Variants in NBAS observed in about 807,000 individuals in gnomAD.
NBAS encodes NBAS subunit of NRZ tethering complex.
Under a neutral mutation model 302.5 loss-of-function variants are expected in NBAS, and 219 were observed. That is an observed-to-expected ratio of 0.72 (90% CI 0.65 to 0.81). NBAS has a LOEUF of 0.81. Among genes scored for constraint, NBAS ranks in the 30% least tolerant of loss-of-function variants. NBAS has a pLI of 0.00. For synonymous variants in NBAS, 1,118 were observed against 1,021.6 expected, an observed-to-expected ratio of 1.09 and a Z score of -1.80; for missense variants, 2,932 against 2,841.6, an observed-to-expected ratio of 1.03 and a Z score of -0.72.
chr2:15,434,734 A>G (rs1677927514), intron 21 of NBAS, among the ~76,000 whole-genome samples: 1 of 152,210 alleles, frequency 6.6e-6, no homozygotes, highest in South Asian at 2.1e-4. Flanking sequence ...TATAGGTTCG[A>G]GGTTGCCAGT....
chr2:15,144,720 G>A, the NBAS span, among the ~76,000 whole-genome samples: 78 of 152,272 alleles, frequency 5.1e-4, no homozygotes, highest in South Asian at 5.0e-3. Flanking sequence ...CATGGGCTTC[G>A]CAGTCAGCTC....
At chr2:15,122,608 G>A in the NBAS span, among the ~76,000 whole-genome samples, 2 of 152,118 alleles carry the variant, frequency 1.3e-5, no homozygotes, top group Non-Finnish European at 2.9e-5. Context: ...CAAGGAGAAA[G>A]AGTATGAGGA....
chr2:15,067,601 T>C, the NBAS span, among the ~76,000 whole-genome samples: 1 of 152,008 alleles, frequency 6.6e-6, no homozygotes, highest in Non-Finnish European at 1.5e-5. Context: ...ACTGCATGAT[T>C]CCACTTATAT....
At chr2:14,919,495 A>C in the NBAS span, among the ~76,000 whole-genome samples, 1 of 152,270 alleles carries the variant, frequency 6.6e-6, no homozygotes, top group African/African-American at 2.4e-5. Flanking sequence ...ACAATGATGA[A>C]GTTTGCTGCA....
chr2:14,889,736 C>T, the NBAS span, among the ~76,000 whole-genome samples: 5,779 of 152,220 alleles, frequency 0.038, 137 homozygotes, highest in Non-Finnish European at 0.051. Flanking sequence ...AGGAATTTGA[C>T]TATGGTATAT....
the NBAS span, among the ~76,000 whole-genome samples, chr2:15,086,670 G>A: frequency 6.6e-6 from 1 of 152,186 alleles, no homozygotes; most frequent in Non-Finnish European, 1.5e-5. Flanking sequence ...GAAGCTGCTT[G>A]CAGTGCTCCT....
Position 15,184,690 on chromosome 2 carries a change from C to G in NBAS, c.6711+2052G>C, listed in dbSNP as rs568953291. 2.6e-5 allele frequency among the ~76,000 whole-genome samples: 4 copies of G among 152,254 alleles called. No homozygotes were observed. The South Asian group carries it at 8.3e-4, about 32-fold the overall frequency. On this transcript the variant is annotated intron_variant, in intron 50 of 51. Transcript: ENST00000281513. ...TCACCTCCTGCAGTGCAGTCTGGTA[C>G]CTGACAGGCCATGGACTGATAGCAG... is the stretch of plus-strand genomic sequence containing the variant.
the NBAS span, among the ~76,000 whole-genome samples, chr2:14,829,797 T>C: frequency 2.0e-5 from 3 of 152,338 alleles, no homozygotes; most frequent in South Asian, 6.2e-4. Flanking sequence ...TGAGTAAACA[T>C]CTTGACATAC....
chr2:15,554,023 A>C, intron 4 of NBAS, 38 bp downstream of exon 4: 1 of 1,523,930 alleles, frequency 6.6e-7, no homozygotes, highest in Non-Finnish European at 9.0e-7. Flanking sequence ...GTAAAAGCTA[A>C]TCCAGACAGA....
chr2:15,398,529 T>C (rs929773435), intron 26 of NBAS, among the ~76,000 whole-genome samples: 5 of 152,192 alleles, frequency 3.3e-5, no homozygotes, highest in African/African-American at 1.2e-4. Flanking sequence ...TGAGCTGACA[T>C]TCACGAACAC....
At chr2:14,845,900 G>C in the NBAS span, among the ~76,000 whole-genome samples, 3 of 150,736 alleles carry the variant, frequency 2.0e-5, no homozygotes, top group Non-Finnish European at 2.9e-5. Context: ...AAAGAAGCAA[G>C]CCTACAAGAT....
At chr2:14,933,168 A>G in the NBAS span, among the ~76,000 whole-genome samples, 1 of 152,230 alleles carries the variant, frequency 6.6e-6, no homozygotes, top group Non-Finnish European at 1.5e-5. Context: ...GTGCTAACAA[A>G]CAAGTCAGAA....
At chr2:15,123,299 A>G in the NBAS span, among the ~76,000 whole-genome samples, 2 of 152,046 alleles carry the variant, frequency 1.3e-5, no homozygotes, top group African/African-American at 4.8e-5. Flanking sequence ...CCTGCTTTCT[A>G]GCATCTTCTC....
At chr2:15,013,555 C>A in the NBAS span, among the ~76,000 whole-genome samples, 11 of 152,044 alleles carry the variant, frequency 7.2e-5, no homozygotes, top group Non-Finnish European at 2.9e-5. Flanking sequence ...AAGGCCAAGG[C>A]AGGGCATCAT....
chr2:14,818,787 T>C, the NBAS span, among the ~76,000 whole-genome samples: 1 of 152,192 alleles, frequency 6.6e-6, no homozygotes, highest in Admixed American at 6.5e-5. Flanking sequence ...TACTTGGAGA[T>C]GACACCAGGA....
At chr2:15,116,201 TG>T in the NBAS span, among the ~76,000 whole-genome samples, 1 of 152,204 alleles carries the variant, frequency 6.6e-6, no homozygotes, top group Admixed American at 6.5e-5. Flanking sequence ...ATGGGGATAT[TG>T]ACCCCAGCAA....
intron 38 of NBAS, among the ~76,000 whole-genome samples, chr2:15,311,495 G>A (rs1199859853): frequency 6.6e-6 from 1 of 152,100 alleles, no homozygotes; most frequent in African/African-American, 2.4e-5. Context: ...TTGATAAAAG[G>A]TTCTTCCAAT....
chr2:15,034,232 GAA>G, the NBAS span, among the ~76,000 whole-genome samples: 2 of 66,426 alleles, frequency 3.0e-5, no homozygotes, highest in African/African-American at 7.3e-5. Context: ...GGGAAAGAAA[GAA>G]GGAAAGAAAG....
At chr2:15,124,012 G>T in the NBAS span, among the ~76,000 whole-genome samples, 5 of 152,220 alleles carry the variant, frequency 3.3e-5, no homozygotes, top group African/African-American at 1.2e-4. Context: ...TTCGAGATCA[G>T]TTAAGTGATT....
Sources: allele counts gnomAD v4.1 joint callset (sites outside exome capture counted in the v4.1 genomes callset), GRCh38; gene constraint gnomAD v4.1.1; transcripts MANE v1.5; gene names NCBI Gene and HGNC (gene_info 2026-07-23, HGNC 2026-07-21).